The following TBCD variants were observed in gnomAD, a reference collection of about 807,000 sequenced individuals.
The protein encoded by TBCD is tubulin folding cofactor D.
Under a neutral mutation model 169.3 loss-of-function variants are expected in TBCD, and 105 were observed. That is an observed-to-expected ratio of 0.62 (90% CI 0.53 to 0.73). The LOEUF is 0.73. Among genes scored for constraint, TBCD ranks in the 30% least tolerant of loss-of-function variants. The probability of loss-of-function intolerance (pLI) is 0.00; values close to 1 mark genes in which losing one functional copy is unlikely to be tolerated. For missense variants in TBCD, 1,444 were observed against 1,600.1 expected, an observed-to-expected ratio of 0.90 and a Z score of 1.66; for synonymous variants, 700 against 643.9, an observed-to-expected ratio of 1.09 and a Z score of -1.32.
chr17:82,812,552 T>C (rs2051527614), intron 12 of TBCD, among the ~76,000 whole-genome samples: 1 of 152,086 alleles, frequency 6.6e-6, no homozygotes, highest in African/African-American at 2.4e-5. Context: ...GAGGTTTTCT[T>C]GTTTTGTTTT....
At chr17:82,906,120 T>C (rs192138240) in intron 20 of TBCD, 67 bp downstream of exon 20, 34 of 1,250,008 alleles carry the variant, frequency 2.7e-5, no homozygotes, top group East Asian at 2.3e-4. Context: ...GTAATCACAG[T>C]GCTCTCCAGT....
intron 19 of TBCD, among the ~76,000 whole-genome samples, chr17:82,905,069 G>A (rs2060140953): frequency 6.6e-6 from 1 of 152,182 alleles, no homozygotes; most frequent in Non-Finnish European, 1.5e-5. Flanking sequence ...CGCAGGTGTG[G>A]CAGAGCCGCC....
At chr17:82,887,601 A>C (rs1192534429) in intron 15 of TBCD, among the ~76,000 whole-genome samples, 1 of 152,056 alleles carries the variant, frequency 6.6e-6, no homozygotes, top group Non-Finnish European at 1.5e-5. Context: ...TTTTCGTGTG[A>C]GTGTAACTTC....
In TBCD at chr17:82,922,123, C is replaced by T. The variant is rs932469272; in HGVS notation, c.2178+546C>T. Among the ~76,000 whole-genome samples the T allele has an allele frequency of 6.6e-5, 10 of 152,136 alleles. No individual in the cohort carries two copies. Among genetic ancestry groups the T allele is most frequent in the African/African-American group, 1.9e-4 (8 of 41,434 alleles). On this transcript the variant is annotated intron_variant, in intron 25 of 38. Coordinates refer to ENST00000355528, the MANE Select transcript of TBCD (RefSeq NM_005993.5). The surrounding 1 kb of genome is among the most constrained non-coding windows in gnomAD (Gnocchi z 4.1). The stretch of plus-strand genomic sequence containing the variant: ...CATAGATAAGAAACCATGGGCCCGG[C>T]GCAGTGGCGGGTGGATCACTTGAGG...
At chr17:82,873,162 G>C (rs2057730683) in intron 14 of TBCD, among the ~76,000 whole-genome samples, 2 of 152,378 alleles carry the variant, frequency 1.3e-5, no homozygotes, top group South Asian at 4.1e-4. Flanking sequence ...CTCAGATGGT[G>C]GTTCCCCTTT....
intron 6 of TBCD, 122 bp downstream of exon 6, chr17:82,772,629 T>A: frequency 9.5e-7 from 1 of 1,049,948 alleles, no homozygotes; most frequent in Non-Finnish European, 1.5e-6. Flanking sequence ...GTCTTTGGAC[T>A]CTGTGGCTTT....
chr17:82,851,258 G>A (rs191146684), intron 13 of TBCD, among the ~76,000 whole-genome samples: 1 of 484 alleles, frequency 2.1e-3, no homozygotes, highest in African/African-American at 2.2e-3. Context: ...GTCTCAGGAG[G>A]TTTTAAAATA....
intron 28 of TBCD, 180 bp from the exon 29 acceptor site, chr17:82,927,005 CG>C: frequency 1.2e-6 from 1 of 852,944 alleles, no homozygotes; most frequent in Non-Finnish European, 1.8e-6. Context: ...AGCGTGACCT[CG>C]GGGAAGCACG....
intron 13 of TBCD, among the ~76,000 whole-genome samples, chr17:82,854,915 A>G (rs1323540710): frequency 6.6e-6 from 1 of 152,226 alleles, no homozygotes; most frequent in Non-Finnish European, 1.5e-5. Flanking sequence ...CCCTGATCGC[A>G]TTCATGAAGC....
intron 13 of TBCD, among the ~76,000 whole-genome samples, chr17:82,849,757 T>C (rs916350054): frequency 4.6e-5 from 7 of 152,220 alleles, no homozygotes; most frequent in Non-Finnish European, 7.3e-5. Context: ...TTGCGTCATG[T>C]CACCTCAGCC....
At chr17:82,895,904 GA>G (rs968965390) in intron 17 of TBCD, 10 of 152,160 alleles carry the variant, frequency 6.6e-5, no homozygotes, top group Non-Finnish European at 4.4e-5. Flanking sequence ...AGGATGGGGG[GA>G]CCAGCCGTCG....
At chr17:82,798,269 C>A (rs2144629422) in intron 8 of TBCD, among the ~76,000 whole-genome samples, 1 of 152,122 alleles carries the variant, frequency 6.6e-6, no homozygotes, top group East Asian at 1.9e-4. Context: ...GCATCAACCT[C>A]CCGAGTAGCT....
chr17:82,786,094 C>G (rs2049300225), intron 7 of TBCD, among the ~76,000 whole-genome samples: 2 of 152,122 alleles, frequency 1.3e-5, no homozygotes, highest in Admixed American at 6.5e-5. Flanking sequence ...GAAGAATTAA[C>G]CAGCCTACCA....
chr17:82,879,397 C>G (rs1230610389), intron 14 of TBCD, among the ~76,000 whole-genome samples: 1 of 152,178 alleles, frequency 6.6e-6, no homozygotes, highest in Non-Finnish European at 1.5e-5. Context: ...CGTGCGTCTG[C>G]CGTCATGCAT....
At chr17:82,912,296 G>T (rs2060701095) in intron 23 of TBCD, among the ~76,000 whole-genome samples, 1 of 152,206 alleles carries the variant, frequency 6.6e-6, no homozygotes, top group Non-Finnish European at 1.5e-5. Flanking sequence ...GCGAACCTCT[G>T]CGCCTGATTC....
intron 13 of TBCD, among the ~76,000 whole-genome samples, chr17:82,823,529 T>TCTCCCTCC (rs1017433946): frequency 8.6e-5 from 13 of 151,966 alleles, no homozygotes; most frequent in African/African-American, 3.1e-4. Flanking sequence ...TCCGCCCTGC[T>TCTCCCTCC]CTCCCTCCCT....
Position 82,789,781 on chromosome 17 carries a change from T to A in TBCD, c.772-7976T>A, listed in dbSNP as rs1159092032. On this transcript the variant is annotated intron_variant, in intron 7 of 38. Coordinates refer to ENST00000355528, the MANE Select transcript of TBCD (RefSeq NM_005993.5). This position sits in a 1 kb window ranked among gnomAD's most constrained non-coding sequence, Gnocchi z 4.8. ...TCTGTCCTTGGTTCTCGAGCCCTCC[T>A]TCTGTGGACCCGTTGGGTACACGTG... 6.6e-6 allele frequency among the ~76,000 whole-genome samples: 1 copy of A among 152,246 alleles called. No individual in the cohort carries two copies. Among genetic ancestry groups the A allele is most frequent in the Non-Finnish European group, 1.5e-5 (1 of 68,042 alleles).
intron 7 of TBCD, among the ~76,000 whole-genome samples, chr17:82,791,824 G>A (rs945760189): frequency 1.3e-5 from 2 of 152,156 alleles, no homozygotes; most frequent in South Asian, 2.1e-4. Context: ...ACACCGTAGC[G>A]TGCACTTAAA....
rs759999176 is a variant in TBCD at position 82,805,883 on chromosome 17, G to A, written c.959G>A (p.Arg320His). The stretch of plus-strand genomic sequence containing the variant: ...TGCTTTGCTTTGCACAGGTACCAGC[G>A]TGGCTGCCGATCTTTGGCTGCAAAT... ...KPKVAAWRYQ[R>H]GCRSLAANLQ... The change falls in exon 10 of 39, where the codon CGT becomes CAT. Residue 320 changes from arginine (R) to histidine (H), a missense_variant. Arg to His is a conservative substitution (Grantham distance 29, BLOSUM62 0). Transcript: ENST00000355528. 66 of 1,608,696 alleles carry A rather than the reference G, an allele frequency of 4.1e-5. No individual in the cohort carries two copies. The highest frequency in any genetic ancestry group is 5.4e-5 in the Non-Finnish European group (63 of 1,175,608).
Sources: gnomAD v4.1 joint callset for allele counts (sites outside exome capture counted in the v4.1 genomes callset) on GRCh38, gnomAD v4.1.1 for gene constraint, Gnocchi (gnomAD v3.1) non-coding constraint, MANE v1.5 for transcripts, NCBI Gene and HGNC (gene_info 2026-07-23, HGNC 2026-07-21) for gene names.